The following FKBP5 variants were observed in gnomAD, a reference collection of about 807,000 sequenced individuals.
FKBP5 encodes FKBP prolyl isomerase 5.
A neutral mutation model predicts 50.5 loss-of-function variants in FKBP5; 23 were observed. The observed-to-expected ratio is 0.46, with a 90% CI of 0.33 to 0.65. The LOEUF is 0.65. FKBP5 is among the 30% of genes least tolerant of loss of function. The pLI is 0.02. For missense variants in FKBP5, 411 were observed against 553.1 expected, an observed-to-expected ratio of 0.74 and a Z score of 2.58; for synonymous variants, 176 against 190.6, an observed-to-expected ratio of 0.92 and a Z score of 0.63.
chr6:35,715,942 G>A (rs1003499239), intron 2 of FKBP5, among the ~76,000 whole-genome samples: 1 of 152,208 alleles, frequency 6.6e-6, no homozygotes, highest in African/African-American at 2.4e-5. Flanking sequence ...CAGTGGTGGT[G>A]AGGCCTTAAG....
chr6:35,689,962 C>T (rs1045016752), upstream of FKBP5, among the ~76,000 whole-genome samples: 2 of 152,212 alleles, frequency 1.3e-5, no homozygotes, highest in Non-Finnish European at 2.9e-5. Context: ...CTTAGGGAAT[C>T]TCTAATCAAC....
rs11404008 is a variant in FKBP5, at chr6:35,702,368, T to TAA, written c.-20+17958_-20+17959dup. The stretch of plus-strand genomic sequence containing the variant: ...TGTACCCCGAACCTACAATAAAGGT[T>TAA]AAAAAAAAAAAGACAGAAAAGAAAA... On this transcript the variant is annotated intron_variant, in intron 2 of 11. Coordinates refer to the FKBP5 transcript ENST00000536438. 1.6e-3 allele frequency among the ~76,000 whole-genome samples: 224 copies of TAA among 143,680 alleles called. 2 individuals carry two copies. The East Asian group carries it at 0.029, about 19-fold the overall frequency. The allele number at this position is 143,680 out of a possible 152,430, so 94.3% of individuals were successfully genotyped here.
intron 5 of FKBP5, among the ~76,000 whole-genome samples, chr6:35,607,397 TCTTA>T (rs1763356531): frequency 6.7e-6 from 1 of 149,562 alleles, no homozygotes; most frequent in South Asian, 2.1e-4. Flanking sequence ...AGAAATGGGG[TCTTA>T]CTATGTTGCC....
chr6:35,594,464 C>G (rs1427165213), intron 6 of FKBP5, among the ~76,000 whole-genome samples: 1 of 152,062 alleles, frequency 6.6e-6, no homozygotes, highest in Non-Finnish European at 1.5e-5. Flanking sequence ...ACACTAAGAG[C>G]TATTTGCAGA....
At chr6:35,633,696 G>A (rs1018263430) in intron 3 of FKBP5, among the ~76,000 whole-genome samples, 2 of 152,020 alleles carry the variant, frequency 1.3e-5, no homozygotes, top group Admixed American at 6.6e-5. Flanking sequence ...ACCATCTTAA[G>A]GAGGCCTCTA....
chr6:35,589,285 C>A (rs1189061172), intron 7 of FKBP5, among the ~76,000 whole-genome samples: 2 of 151,394 alleles, frequency 1.3e-5, no homozygotes, highest in Middle Eastern at 3.4e-3. Flanking sequence ...CCTGCCACCA[C>A]GTCCAGCTAA....
rs189077569 is a variant in FKBP5 at position 35,627,581 on chromosome 6, T to C, written c.251-7307A>G. 3.3e-3 allele frequency among the ~76,000 whole-genome samples: 509 copies of C among 152,350 alleles called. 4 individuals are homozygous for C. The highest frequency in any genetic ancestry group is 0.011 in the African/African-American group (473 of 41,576). On this transcript the variant is annotated intron_variant, in intron 3 of 10. Transcript: ENST00000357266. ...CCATTCCATAGGCTGCCTTTCATTC[T>C]GTTACTGTTTGATGCACAAAAGTTT...
intron 3 of FKBP5, among the ~76,000 whole-genome samples, chr6:35,624,522 GA>G (rs1763939252): frequency 1.3e-5 from 2 of 151,634 alleles, no homozygotes; most frequent in African/African-American, 2.4e-5. Flanking sequence ...AAGCCCAGAG[GA>G]AAAAAACAAG....
intron 5 of FKBP5, among the ~76,000 whole-genome samples, chr6:35,606,481 C>T (rs958110279): frequency 2.6e-5 from 4 of 151,552 alleles, no homozygotes; most frequent in African/African-American, 9.7e-5. Flanking sequence ...CACGGTGAAA[C>T]CCCGTCTCCA....
At position 35,637,059 on chromosome 6, in the gene FKBP5, A is replaced by C. The variant is rs1764328814; in HGVS notation, c.205T>G (p.Ser69Ala). 1 of 1,610,052 alleles carries C rather than the reference A, an allele frequency of 6.2e-7. No individual in the cohort carries two copies. The highest frequency in any genetic ancestry group is 8.5e-7 in the Non-Finnish European group (1 of 1,179,196). The change falls in exon 3 of 11, where the codon TCC becomes GCC. Residue 69 changes from serine (S) to alanine (A), a missense_variant. This residue lies in a region of FKBP5 where 267 missense variants were observed against 405.9 expected (regional missense o/e 0.66). Transcript: ENST00000357266. ...GKLSNGKKFD[S>A]SHDRNEPFVF... is the part of the protein sequence containing the mutation. ...AATGGTTCATTTCTATCATGACTGG[A>C]ATCAAACTTCTTTCCATTTGACAAT...
intron 2 of FKBP5, among the ~76,000 whole-genome samples, chr6:35,700,504 C>T (rs575027626): frequency 2.6e-5 from 4 of 152,292 alleles, no homozygotes; most frequent in African/African-American, 9.6e-5. Flanking sequence ...AGGGTATCCA[C>T]CTTGGTAGGC....
chr6:35,623,105 G>A (rs1405244367), intron 3 of FKBP5, among the ~76,000 whole-genome samples: 1 of 152,176 alleles, frequency 6.6e-6, no homozygotes, highest in Non-Finnish European at 1.5e-5. Flanking sequence ...AGCCAGGCGT[G>A]GTGGCTAGCG....
At chr6:35,616,368 A>G (rs1166061006) in intron 5 of FKBP5, among the ~76,000 whole-genome samples, 1 of 150,052 alleles carries the variant, frequency 6.7e-6, no homozygotes, top group East Asian at 2.0e-4. Context: ...CCTGAGTTTG[A>G]TCTTAGACCA....
intron 3 of FKBP5, among the ~76,000 whole-genome samples, chr6:35,635,673 C>A (rs1480984770): frequency 6.6e-6 from 1 of 151,428 alleles, no homozygotes; most frequent in Non-Finnish European, 1.5e-5. Context: ...TAATTTTGTA[C>A]AAAGTATTTG....
chr6:35,675,465 G>A lies in FKBP5; in HGVS notation c.-20+13339C>T, dbSNP rs376507706. The stretch of plus-strand genomic sequence containing the variant: ...CATGCCTGTAATCCCAGCTACTCAG[G>A]AGGCTGAGGCAAGAGAATCGCTTGA... On this transcript the variant is annotated intron_variant, in intron 1 of 10. Coordinates refer to ENST00000357266, the MANE Select transcript of FKBP5 (RefSeq NM_004117.4). 3.9e-5 allele frequency among the ~76,000 whole-genome samples: 6 copies of A among 152,294 alleles called. No individual in the cohort carries two copies. The South Asian group carries it at 1.2e-3, about 32-fold the overall frequency.
At chr6:35,632,885 G>A (rs778373210) in intron 3 of FKBP5, among the ~76,000 whole-genome samples, 11 of 147,604 alleles carry the variant, frequency 7.5e-5, no homozygotes, top group African/African-American at 1.3e-4. Context: ...GTAAAACTCC[G>A]TCTCAGAAAG....
intron 2 of FKBP5, among the ~76,000 whole-genome samples, chr6:35,717,070 G>A (rs551493729): frequency 1.3e-5 from 2 of 152,120 alleles, no homozygotes; most frequent in East Asian, 1.9e-4. Flanking sequence ...CCCACCCCCC[G>A]CCATCCCTAT....
At chr6:35,645,010 A>C (rs1764592172) in intron 1 of FKBP5, among the ~76,000 whole-genome samples, 1 of 152,198 alleles carries the variant, frequency 6.6e-6, no homozygotes, top group African/African-American at 2.4e-5. Context: ...AAAAGGAAAA[A>C]GACCTTTCAA....
chr6:35,622,807 G>C (rs773737300), intron 3 of FKBP5, among the ~76,000 whole-genome samples: 27 of 152,160 alleles, frequency 1.8e-4, no homozygotes, highest in Non-Finnish European at 2.6e-4. Flanking sequence ...TCTAACTTCA[G>C]AATACCTGGA....
Sources: allele counts gnomAD v4.1 joint callset (sites outside exome capture counted in the v4.1 genomes callset), GRCh38; gene constraint gnomAD v4.1.1; regional missense constraint gnomAD v4.1.1; transcripts MANE v1.5; gene names NCBI Gene and HGNC (gene_info 2026-07-23, HGNC 2026-07-21).